ABR: variants seen among roughly 807,000 people sequenced by gnomAD.
ABR encodes the protein active breakpoint cluster region-related protein.
ABR carries 35 observed loss-of-function variants against 107.2 expected under a neutral mutation model. The ratio of observed to expected loss-of-function variants is 0.33; its 90% CI spans 0.25 to 0.43. The LOEUF (loss-of-function observed/expected upper bound fraction) is 0.43. ABR is among the 20% of genes least tolerant of loss of function. The pLI, the probability that ABR is intolerant of heterozygous loss-of-function variation, is 1.00. For synonymous variants in ABR, 498 were observed against 462.0 expected (o/e 1.08, Z -1.00); for missense variants, 815 against 1,115.2 (o/e 0.73, Z 3.83).
intron 9 of ABR, 148 bp from the exon 10 acceptor site, chr17:1,067,390 T>A: frequency 1.2e-6 from 1 of 812,554 alleles, no homozygotes; most frequent in Non-Finnish European, 1.9e-6. Context: ...AGGAGCCTGA[T>A]TGGGAAACAC....
At chr17:1,173,089 C>CGA (rs1567857680) in intron 1 of ABR, among the ~76,000 whole-genome samples, 1 of 20,364 alleles carries the variant, frequency 4.9e-5, no homozygotes. Context: ...TCCACCCCCC[C>CGA]CATCATCTCA....
intron 10 of ABR, among the ~76,000 whole-genome samples, chr17:1,060,523 G>A (rs756122635): frequency 5.9e-5 from 9 of 152,170 alleles, no homozygotes; most frequent in East Asian, 1.9e-4. Flanking sequence ...ACACGCGGGC[G>A]CACACCAGCA....
intron 16 of ABR, among the ~76,000 whole-genome samples, chr17:1,015,274 G>C (rs111429582): frequency 9.9e-5 from 15 of 151,800 alleles, no homozygotes; most frequent in African/African-American, 3.4e-4. Flanking sequence ...AAAGTGAGCC[G>C]GGTGTGGTGG....
chr17:1,061,979 CAAAGCCACAGGTGAACAA>C (rs1404419381), intron 10 of ABR, among the ~76,000 whole-genome samples: 1 of 152,202 alleles, frequency 6.6e-6, no homozygotes, highest in African/African-American at 2.4e-5. Context: ...ACCATTTAAG[CAAAGCCACAGGTGAACAA>C]AAAGCCACAG....
chr17:1,028,755 C>A lies in ABR; in HGVS notation c.1792-15591G>T, dbSNP rs189339503. The stretch of plus-strand genomic sequence containing the variant: ...TGAAGCTGCACTCAATCTCCTTACA[C>A]CCTGCCGGCTCAGCCTGAGTCCCCA... On this transcript the variant is annotated intron_variant, in intron 16 of 22. Transcript: ENST00000302538. 1.8e-3 allele frequency among the ~76,000 whole-genome samples: 271 copies of A among 152,332 alleles called. 1 individual carries two copies. The highest frequency in any genetic ancestry group is 6.2e-3 in the South Asian group (30 of 4,828).
intron 2 of ABR, among the ~76,000 whole-genome samples, chr17:1,109,594 C>G (rs568621250): frequency 6.6e-6 from 1 of 152,026 alleles, no homozygotes; most frequent in Admixed American, 6.5e-5. Flanking sequence ...TCTTCATTCC[C>G]CGCGCGCGGC....
intron 3 of ABR, among the ~76,000 whole-genome samples, chr17:1,099,857 G>C (rs1400759395): frequency 6.6e-6 from 1 of 152,234 alleles, no homozygotes; most frequent in Non-Finnish European, 1.5e-5. Flanking sequence ...GCCGGGCGCA[G>C]TGGCTCATGC....
intron 1 of ABR, among the ~76,000 whole-genome samples, chr17:1,214,032 C>T (rs555916796): frequency 4.3e-4 from 66 of 152,068 alleles, no homozygotes; most frequent in African/African-American, 1.5e-3. Context: ...GGATTACAGG[C>T]GCCCGCCACC....
intron 1 of ABR, among the ~76,000 whole-genome samples, chr17:1,161,869 T>C (rs59756819): frequency 0.12 from 17,839 of 152,132 alleles, 1,412 homozygotes; most frequent in East Asian, 0.24. Context: ...GTCACTCCTT[T>C]TACAGCCGGG....
At chr17:1,172,911 G>T (rs1281675768) in intron 1 of ABR, among the ~76,000 whole-genome samples, 1 of 151,688 alleles carries the variant, frequency 6.6e-6, no homozygotes, top group Non-Finnish European at 1.5e-5. Flanking sequence ...CAGTCACTTG[G>T]AGAAAAGTGC....
intron 6 of ABR, among the ~76,000 whole-genome samples, chr17:1,077,950 G>A (rs540425265): frequency 1.3e-5 from 2 of 152,270 alleles, no homozygotes; most frequent in East Asian, 3.9e-4. Context: ...CAGGGTCCAC[G>A]GGCTTCTGGA....
intron 2 of ABR, among the ~76,000 whole-genome samples, chr17:1,106,014 TG>T (rs2038223084): frequency 6.6e-6 from 1 of 152,316 alleles, no homozygotes; most frequent in South Asian, 2.1e-4. Context: ...TAGAATGGCA[TG>T]AAACATTTTT....
chr17:1,025,240 G>T (rs183035752), intron 16 of ABR, among the ~76,000 whole-genome samples: 100 of 152,096 alleles, frequency 6.6e-4, no homozygotes, highest in African/African-American at 2.4e-3. Context: ...AGGCTGCAGC[G>T]AGCCGAGATC....
chr17:1,058,649 G>C, intron 11 of ABR, 96 bp downstream of exon 11: 1 of 1,481,848 alleles, frequency 6.7e-7, no homozygotes, highest in East Asian at 2.4e-5. Context: ...GGGGGCCTGA[G>C]TTTCCGGTTC....
intron 16 of ABR, among the ~76,000 whole-genome samples, chr17:1,048,444 T>A (rs1209378751): frequency 1.3e-5 from 2 of 152,252 alleles, no homozygotes; most frequent in South Asian, 4.1e-4. Context: ...TCGGTGGCCA[T>A]GACAATGCAT....
At position 1,100,719 on chromosome 17, in the gene ABR, C is replaced by A. The variant is rs767876190; in HGVS notation, c.263G>T (p.Gly88Val). The part of the protein sequence containing the change: ...GLAPGVEAGK[G>V]LEMRKLVLSG... ...GAGAACCAGCTTCCTCATCTCCAGG[C>A]CTTTCCCTGCTTCCACCTGCACAAA... The change falls in exon 3 of 23, where the codon GGC becomes GTC. Residue 88 changes from glycine (G) to valine (V), a missense_variant. By Grantham distance (109) the Gly-to-Val change is moderately radical (BLOSUM62 -3). Transcript: ENST00000302538. 5.0e-6 allele frequency: 8 copies of A among 1,614,076 alleles called. No individual in the cohort carries two copies. The highest frequency in any genetic ancestry group is 6.8e-6 in the Non-Finnish European group (8 of 1,180,048).
intron 3 of ABR, among the ~76,000 whole-genome samples, chr17:1,100,312 C>T (rs191687771): frequency 2.6e-5 from 4 of 152,288 alleles, no homozygotes; most frequent in East Asian, 1.9e-4. Flanking sequence ...AGAAGGCGCT[C>T]GGCCCCCGCC....
At position 1,179,283 on chromosome 17, in the gene ABR, G is replaced by T. The variant is rs112222393; in HGVS notation, c.61+384C>A. Among the ~76,000 whole-genome samples, 1 of 151,812 alleles carries T rather than the reference G, an allele frequency of 6.6e-6. No individual in the cohort carries two copies. The highest frequency in any genetic ancestry group is 6.6e-5 in the Admixed American group (1 of 15,254). The stretch of plus-strand genomic sequence containing the variant: ...CTTCAGCCTGGACAGAGAAGCTGCC[G>T]GTCCAGGGGCGGGGGCAGCACCCAG... On this transcript the variant is annotated intron_variant, in intron 1 of 22. Transcript: ENST00000302538. The surrounding 1 kb of genome is among the most constrained non-coding windows in gnomAD (Gnocchi z 4.9).
At chr17:1,055,866 G>T in intron 14 of ABR, 169 bp downstream of exon 14, 1 of 613,618 alleles carries the variant, frequency 1.6e-6, no homozygotes, top group Non-Finnish European at 2.9e-6. Flanking sequence ...TTGAGAAAGA[G>T]GACTTTGGAG....
Sources: gnomAD v4.1 joint callset for allele counts (sites outside exome capture counted in the v4.1 genomes callset) on GRCh38, gnomAD v4.1.1 for gene constraint, Gnocchi (gnomAD v3.1) non-coding constraint, MANE v1.5 for transcripts, NCBI Gene and HGNC (gene_info 2026-07-23, HGNC 2026-07-21) for gene names.